CCDC85A: variants seen among roughly 807,000 people sequenced by gnomAD.
CCDC85A encodes the protein coiled-coil domain containing 85A, also known as coiled-coil domain-containing protein 85A.
Under a neutral mutation model 50.2 loss-of-function variants are expected in CCDC85A, and 38 were observed. The ratio of observed to expected loss-of-function variants is 0.76; its 90% CI spans 0.58 to 0.99. The LOEUF (loss-of-function observed/expected upper bound fraction) is 0.99. Ranked by LOEUF, CCDC85A falls within the 50% of genes least tolerant of loss-of-function variation. The pLI is 0.00. For synonymous variants in CCDC85A, 366 were observed against 301.4 expected (o/e 1.21, Z -2.22); for missense variants, 820 against 742.0 (o/e 1.11, Z -1.22).
At chr2:56,267,209 C>G (rs534787965) in intron 2 of CCDC85A, among the ~76,000 whole-genome samples, 77 of 152,286 alleles carry the variant, frequency 5.1e-4, no homozygotes, top group African/African-American at 1.8e-3. Context: ...TTCCACCCCC[C>G]AGACCCCACG....
chr2:56,266,586 C>G (rs1670455777), intron 2 of CCDC85A, among the ~76,000 whole-genome samples: 2 of 134,578 alleles, frequency 1.5e-5, no homozygotes, highest in African/African-American at 5.3e-5. Context: ...GCGCCCCCCC[C>G]CCCCATAATC....
chr2:56,192,585 C>T lies in CCDC85A; in HGVS notation c.385C>T (p.Leu129=). The stretch of plus-strand genomic sequence containing the variant: ...GAGGGTGTCTCGGGAGTGGCAGAGA[C>T]TGGGTCGCTACACTGCCGGGGTGAT... The part of the protein sequence containing the change: ...GKRVSREWQR[L]GRYTAGVMHK... The change falls in exon 2 of 6, where the codon CTG becomes TTG. Residue 129 remains leucine, a synonymous_variant. Coordinates refer to ENST00000407595, the MANE Select transcript of CCDC85A (RefSeq NM_001080433.2). This position sits in a 1 kb window ranked among gnomAD's most constrained non-coding sequence, Gnocchi z 4.7. 1 of 1,613,950 alleles carries T rather than the reference C, an allele frequency of 6.2e-7. No homozygotes were observed. The highest frequency in any genetic ancestry group is 1.3e-5 in the African/African-American group (1 of 75,010).
At chr2:56,308,589 G>C (rs774914314) in intron 2 of CCDC85A, among the ~76,000 whole-genome samples, 21 of 152,126 alleles carry the variant, frequency 1.4e-4, no homozygotes, top group Non-Finnish European at 2.4e-4. Flanking sequence ...CTGAAAAATA[G>C]GACCTAATAA....
intron 2 of CCDC85A, among the ~76,000 whole-genome samples, chr2:56,203,804 A>G (rs928627493): frequency 3.9e-5 from 6 of 152,198 alleles, no homozygotes; most frequent in African/African-American, 4.8e-5. Context: ...GATAAATTCT[A>G]TTTTAATTAT....
chr2:56,283,690 A>C (rs1671303313), intron 2 of CCDC85A, among the ~76,000 whole-genome samples: 1 of 152,160 alleles, frequency 6.6e-6, no homozygotes, highest in Non-Finnish European at 1.5e-5. Context: ...TACATTAGTA[A>C]AATTACTGGT....
chr2:56,338,146 C>A (rs1674172650), intron 2 of CCDC85A, among the ~76,000 whole-genome samples: 1 of 152,100 alleles, frequency 6.6e-6, no homozygotes, highest in Admixed American at 6.5e-5. Context: ...TTTTGATGCT[C>A]TTTTGGAGCC....
At chr2:56,329,963 T>TG (rs1673696328) in intron 2 of CCDC85A, among the ~76,000 whole-genome samples, 1 of 134,080 alleles carries the variant, frequency 7.5e-6, no homozygotes, top group South Asian at 2.4e-4. Flanking sequence ...TTTTTTTTTT[T>TG]TTTTTTTTTT....
chr2:56,272,874 G>A (rs1670757752), intron 2 of CCDC85A, among the ~76,000 whole-genome samples: 1 of 152,110 alleles, frequency 6.6e-6, no homozygotes, highest in South Asian at 2.1e-4. Context: ...TGAATAGGCA[G>A]GCCAATATTA....
intron 2 of CCDC85A, among the ~76,000 whole-genome samples, chr2:56,213,683 C>T (rs1356579837): frequency 2.6e-5 from 4 of 151,778 alleles, no homozygotes; most frequent in Non-Finnish European, 4.4e-5. Flanking sequence ...ACTCTAGGAA[C>T]CCCTCGAACA....
chr2:56,250,956 G>C lies in CCDC85A; in HGVS notation c.1240+57516G>C, dbSNP rs151057005. 1.2e-3 allele frequency among the ~76,000 whole-genome samples: 179 copies of C among 152,062 alleles called. 1 individual carries two copies. Among genetic ancestry groups the C allele is most frequent in the Middle Eastern group, 6.9e-3 (2 of 290 alleles). Reference sequence around the variant, plus strand: ...CTTTGCTATTTTGTCTTTCATTCGAGTCCCTTTCTATTTACTCTTTTTCCT... The same window carrying C: ...CTTTGCTATTTTGTCTTTCATTCGACTCCCTTTCTATTTACTCTTTTTCCT... On this transcript the variant is annotated intron_variant, in intron 2 of 5. Coordinates refer to ENST00000407595, the MANE Select transcript of CCDC85A (RefSeq NM_001080433.2).
Position 56,384,441 on chromosome 2 carries a change from A to G in CCDC85A, c.*86A>G. 8.9e-7 allele frequency: 1 copy of G among 1,129,638 alleles called. No homozygotes were observed. Among genetic ancestry groups the G allele is most frequent in the African/African-American group, 1.5e-5 (1 of 65,084 alleles). 70.0% of individuals were successfully genotyped at this position (1,129,638 alleles called of 1,614,324 possible). On this transcript the variant is annotated 3_prime_UTR_variant, in exon 6 of 6. Coordinates refer to ENST00000407595, the MANE Select transcript of CCDC85A (RefSeq NM_001080433.2). ...AAAAGGAAAGAGTGGGTTTCCACAA[A>G]CCTGGACTCATGGAATAACATGGAG... is the stretch of plus-strand genomic sequence containing the variant.
chr2:56,291,432 T>A (rs1671698677), intron 2 of CCDC85A, among the ~76,000 whole-genome samples: 1 of 152,156 alleles, frequency 6.6e-6, no homozygotes, highest in South Asian at 2.1e-4. Context: ...GTAAGTGCTG[T>A]AAAGTAAGTG....
intron 5 of CCDC85A, among the ~76,000 whole-genome samples, chr2:56,383,123 G>A (rs1028023850): frequency 2.0e-5 from 3 of 151,994 alleles, no homozygotes; most frequent in East Asian, 3.9e-4. Context: ...ATATGCTGAG[G>A]CATTGAGATT....
At chr2:56,380,209 A>G (rs1479329153) in intron 5 of CCDC85A, among the ~76,000 whole-genome samples, 1 of 152,186 alleles carries the variant, frequency 6.6e-6, no homozygotes, top group Non-Finnish European at 1.5e-5. Flanking sequence ...AACCTATGAT[A>G]AAGAAAATAC....
At chr2:56,260,624 C>G (rs2104020527) in intron 2 of CCDC85A, among the ~76,000 whole-genome samples, 1 of 152,318 alleles carries the variant, frequency 6.6e-6, no homozygotes, top group South Asian at 2.1e-4. Context: ...ACATTACATT[C>G]ATGACCTTCA....
chr2:56,203,733 G>A (rs1440853957), intron 2 of CCDC85A, among the ~76,000 whole-genome samples: 1 of 151,978 alleles, frequency 6.6e-6, no homozygotes, highest in Non-Finnish European at 1.5e-5. Context: ...ACTGACATGT[G>A]GCATCTAAGC....
chr2:56,323,429 T>A (rs1380289715), intron 2 of CCDC85A, among the ~76,000 whole-genome samples: 1 of 152,060 alleles, frequency 6.6e-6, no homozygotes, highest in African/African-American at 2.4e-5. Context: ...GGTTTTATTT[T>A]CAAGATAACT....
At chr2:56,214,603 A>G (rs1164993123) in intron 2 of CCDC85A, among the ~76,000 whole-genome samples, 1 of 151,926 alleles carries the variant, frequency 6.6e-6, no homozygotes, top group African/African-American at 2.4e-5. Flanking sequence ...AGCGGTACAG[A>G]TGGGCATCCA....
At chr2:56,380,289 T>C (rs2104405803) in intron 5 of CCDC85A, among the ~76,000 whole-genome samples, 1 of 152,336 alleles carries the variant, frequency 6.6e-6, no homozygotes, top group Non-Finnish European at 1.5e-5. Context: ...TTTTGCTTAG[T>C]TCTTCATATG....
Sources: gnomAD v4.1 joint callset for allele counts (sites outside exome capture counted in the v4.1 genomes callset) on GRCh38, gnomAD v4.1.1 for gene constraint, Gnocchi (gnomAD v3.1) non-coding constraint, MANE v1.5 for transcripts, NCBI Gene and HGNC (gene_info 2026-07-23, HGNC 2026-07-21) for gene names.